The following COL23A1 variants were observed in gnomAD, a reference collection of about 807,000 sequenced individuals.
COL23A1 encodes collagen alpha-1(XXIII) chain.
A neutral mutation model predicts 99.3 loss-of-function variants in COL23A1; 97 were observed. That is an observed-to-expected ratio of 0.98 (90% CI 0.83 to 1.16). COL23A1 has a LOEUF of 1.16. Ranked by LOEUF, COL23A1 falls within the 50% of genes most tolerant of loss-of-function variation. The pLI is 0.00. For missense variants in COL23A1, 762 were observed against 757.4 expected (o/e 1.01, Z -0.07); for synonymous variants, 320 against 308.2 (o/e 1.04, Z -0.40).
intron 2 of COL23A1, among the ~76,000 whole-genome samples, chr5:178,519,611 G>A (rs763683472): frequency 6.6e-6 from 1 of 152,192 alleles, no homozygotes; most frequent in Non-Finnish European, 1.5e-5. Flanking sequence ...TTTCCTAGCT[G>A]GATGCATCTC....
chr5:178,278,746 C>T (rs1286232853), intron 5 of COL23A1, among the ~76,000 whole-genome samples: 2 of 152,320 alleles, frequency 1.3e-5, no homozygotes, highest in East Asian at 3.9e-4. Flanking sequence ...TGAGGTCCTG[C>T]CCCGTAGACC....
chr5:178,529,251 A>T (rs1311999717), intron 2 of COL23A1, among the ~76,000 whole-genome samples: 1 of 152,204 alleles, frequency 6.6e-6, no homozygotes, highest in Non-Finnish European at 1.5e-5. Context: ...AACCATAATG[A>T]GCAAGCGGCT....
chr5:178,343,472 TA>T (rs1760783851), intron 2 of COL23A1, among the ~76,000 whole-genome samples: 1 of 152,096 alleles, frequency 6.6e-6, no homozygotes, highest in Non-Finnish European at 1.5e-5. Flanking sequence ...GTTGATTGGA[TA>T]GAAGCCAAAA....
chr5:178,516,838 T>C (rs973388155), intron 2 of COL23A1, among the ~76,000 whole-genome samples: 3 of 152,150 alleles, frequency 2.0e-5, no homozygotes, highest in African/African-American at 7.2e-5. Context: ...CTCACACCTA[T>C]CCTGAAGCAA....
chr5:178,305,883 G>C (rs112952328), intron 3 of COL23A1, among the ~76,000 whole-genome samples: 3 of 152,192 alleles, frequency 2.0e-5, no homozygotes, highest in African/African-American at 7.2e-5. Context: ...ATGCAGCCAG[G>C]TGTCTACACA....
rs1762326976 is a variant in COL23A1, at chr5:178,364,144, G to A, written c.362-57225C>T. Reference sequence around the variant, plus strand: ...GTGCCACATGGACATTTAAAGCCGCGTGTGCTTTTCTGCACATTTCCGCCT... The same window carrying A: ...GTGCCACATGGACATTTAAAGCCGCATGTGCTTTTCTGCACATTTCCGCCT... On this transcript the variant is annotated intron_variant, in intron 2 of 28. Transcript: ENST00000390654. Among the ~76,000 whole-genome samples the A allele has an allele frequency of 2.6e-5, 4 of 152,154 alleles. 1 individual carries two copies. The highest frequency in any genetic ancestry group is 9.7e-5 in the African/African-American group (4 of 41,442).
intron 2 of COL23A1, among the ~76,000 whole-genome samples, chr5:178,357,719 T>C (rs922337026): frequency 2.5e-5 from 1 of 39,588 alleles, no homozygotes; most frequent in African/African-American, 8.5e-5. Flanking sequence ...AATGTGTGTA[T>C]GTGTGTGTGT....
Position 178,555,143 on chromosome 5 carries a change from T to G in COL23A1, c.361+5539A>C, listed in dbSNP as rs188320393. ...CCACGTGTCTTCACATGGCCTGCCC[T>G]CTGCATGGGTCTACGTGTCCAAATC... is the stretch of plus-strand genomic sequence containing the variant. On this transcript the variant is annotated intron_variant, in intron 2 of 28. Transcript: ENST00000390654. Among the ~76,000 whole-genome samples, 94 of 151,684 alleles carry G rather than the reference T, an allele frequency of 6.2e-4. 1 individual carries two copies. Among genetic ancestry groups the G allele is most frequent in the Admixed American group, 7.8e-4 (12 of 15,288 alleles).
At chr5:178,548,368 T>C (rs918805305) in intron 2 of COL23A1, among the ~76,000 whole-genome samples, 1 of 151,958 alleles carries the variant, frequency 6.6e-6, no homozygotes, top group Non-Finnish European at 1.5e-5. Flanking sequence ...CTCTTAATCG[T>C]CCCCATCCTG....
chr5:178,242,331 C>G lies in COL23A1; in HGVS notation c.1494+10G>C, dbSNP rs769951449. On this transcript the variant is annotated intron_variant, in intron 26 of 28. Transcript: ENST00000390654. The stretch of plus-strand genomic sequence containing the variant: ...TCCTCCTGCCCCAGCTCCCGTCCAG[C>G]TGCCCTCACCTTCTCTCCACGCTCG... The G allele has an allele frequency of 6.2e-7, 1 of 1,613,590 alleles. No homozygotes were observed.
At position 178,311,484 on chromosome 5, in the gene COL23A1, C is replaced by CTGTGTG. The variant is rs1006253790; in HGVS notation, c.362-4571_362-4566dup. 9.8e-3 allele frequency among the ~76,000 whole-genome samples: 572 copies of CTGTGTG among 58,172 alleles called. 6 individuals carry two copies. The highest frequency in any genetic ancestry group is 0.032 in the African/African-American group (539 of 16,672). The allele number at this position is 58,172 out of a possible 152,430, so 38.2% of individuals were successfully genotyped here. The stretch of plus-strand genomic sequence containing the variant: ...CTTTAATGTAAGTGGGTTCTTTCCT[C>CTGTGTG]TGTGTGTGTGTGTGTGTGTGTGCGC... On this transcript the variant is annotated intron_variant, in intron 2 of 28. Coordinates refer to ENST00000390654, the MANE Select transcript of COL23A1 (RefSeq NM_173465.4).
At chr5:178,552,344 G>A (rs559870413) in intron 2 of COL23A1, among the ~76,000 whole-genome samples, 1 of 152,198 alleles carries the variant, frequency 6.6e-6, no homozygotes, top group Non-Finnish European at 1.5e-5. Flanking sequence ...GTGAAGCGAG[G>A]GAATGGCAAC....
At position 178,543,635 on chromosome 5, in the gene COL23A1, C is replaced by T. The variant is rs961161587; in HGVS notation, c.361+17047G>A. 3.9e-5 allele frequency among the ~76,000 whole-genome samples: 6 copies of T among 152,210 alleles called. No homozygotes were observed. The South Asian group carries it at 1.2e-3, about 32-fold the overall frequency. Reference sequence around the variant, plus strand: ...TCTCCACCTTTGGTGTTGTGGGTGGCGGAGGCAGATACCAGTACACCTGGG... The same window carrying T: ...TCTCCACCTTTGGTGTTGTGGGTGGTGGAGGCAGATACCAGTACACCTGGG... On this transcript the variant is annotated intron_variant, in intron 2 of 28. Coordinates refer to ENST00000390654, the MANE Select transcript of COL23A1 (RefSeq NM_173465.4).
intron 27 of COL23A1, 117 bp downstream of exon 27, chr5:178,241,925 G>A (rs1764421881): frequency 1.4e-6 from 1 of 734,252 alleles, no homozygotes; most frequent in East Asian, 2.7e-5. Flanking sequence ...GAAGGCCAGT[G>A]CGTGACCAGT....
chr5:178,241,365 A>G (rs1309537937), intron 27 of COL23A1, among the ~76,000 whole-genome samples: 1 of 151,912 alleles, frequency 6.6e-6, no homozygotes, highest in African/African-American at 2.4e-5. Flanking sequence ...GGCAGAGGGG[A>G]TGTGGGGAAG....
chr5:178,489,796 A>G (rs1392995864), intron 2 of COL23A1, among the ~76,000 whole-genome samples: 2 of 152,228 alleles, frequency 1.3e-5, no homozygotes, highest in East Asian at 3.8e-4. Flanking sequence ...GAAAGCTGGG[A>G]CTTGAACAGG....
chr5:178,572,072 C>CAAAAAAAAAAAAAAAA (rs57863132), intron 1 of COL23A1, among the ~76,000 whole-genome samples: 16 of 109,478 alleles, frequency 1.5e-4, no homozygotes, highest in South Asian at 3.0e-4. Context: ...TTTCTCAAAA[C>CAAAAAAAAAAAAAAAA]AAAAAAAAAA....
intron 1 of COL23A1, among the ~76,000 whole-genome samples, chr5:178,570,159 C>G (rs1036956277): frequency 1.3e-5 from 2 of 150,164 alleles, no homozygotes; most frequent in Non-Finnish European, 3.0e-5. Context: ...GTCACCCAGG[C>G]TGGAGTGTAG....
At chr5:178,246,738 G>C (rs934703690) in intron 22 of COL23A1, among the ~76,000 whole-genome samples, 10 of 142,852 alleles carry the variant, frequency 7.0e-5, no homozygotes, top group Admixed American at 1.4e-4. Context: ...CGGGGGGGGG[G>C]GGACAGGCCC....
Sources: allele counts gnomAD v4.1 joint callset (sites outside exome capture counted in the v4.1 genomes callset), GRCh38; gene constraint gnomAD v4.1.1; transcripts MANE v1.5; gene names NCBI Gene and HGNC (gene_info 2026-07-23, HGNC 2026-07-21).